The following EPHA5 variants were observed in gnomAD, a reference collection of about 807,000 sequenced individuals.
The protein encoded by EPHA5 is EPH receptor A5, also known as ephrin type-A receptor 5.
In EPHA5, 60 loss-of-function variants were observed where a neutral mutation model predicts 105.0. The ratio of observed to expected loss-of-function variants is 0.57; its 90% confidence interval spans 0.46 to 0.71. The LOEUF (loss-of-function observed/expected upper bound fraction) is 0.71, where lower values mean the gene tolerates loss of function less well. Among genes scored for constraint, EPHA5 ranks in the 30% least tolerant of loss-of-function variants. EPHA5 has a pLI of 0.00. For missense variants in EPHA5, 1,218 were observed against 1,274.7 expected (o/e 0.96, Z 0.68); for synonymous variants, 513 against 449.1 (o/e 1.14, Z -1.80).
At chr4:65,342,931 C>A (rs2148827940) in intron 14 of EPHA5, among the ~76,000 whole-genome samples, 1 of 151,960 alleles carries the variant, frequency 6.6e-6, no homozygotes. Flanking sequence ...AATAAAACGA[C>A]TGGATTAAAA....
intron 2 of EPHA5, among the ~76,000 whole-genome samples, chr4:65,640,276 TTTTTTC>T (rs1480761753): frequency 3.8e-4 from 9 of 23,742 alleles, no homozygotes; most frequent in African/African-American, 1.2e-3. Context: ...CATTGCTCAG[TTTTTTC>T]TTTTTTTTTT....
chr4:65,353,998 A>G (rs1004103005), intron 11 of EPHA5, among the ~76,000 whole-genome samples: 1 of 151,804 alleles, frequency 6.6e-6, no homozygotes, highest in South Asian at 2.1e-4. Flanking sequence ...CTCTAGAGCC[A>G]TACTTCTTGG....
chr4:65,371,792 A>G (rs1253161248), intron 8 of EPHA5, among the ~76,000 whole-genome samples: 1 of 152,028 alleles, frequency 6.6e-6, no homozygotes, highest in African/African-American at 2.4e-5. Context: ...CTATAGAAAT[A>G]TACCCTAAAT....
chr4:65,522,931 T>C (rs879736863), intron 3 of EPHA5, among the ~76,000 whole-genome samples: 14 of 152,044 alleles, frequency 9.2e-5, no homozygotes, highest in Middle Eastern at 3.4e-3. Flanking sequence ...ACCATGGGAA[T>C]TGAGAATGTT....
chr4:65,384,706 C>T (rs1212020268), intron 8 of EPHA5, among the ~76,000 whole-genome samples: 1 of 151,866 alleles, frequency 6.6e-6, no homozygotes, highest in African/African-American at 2.4e-5. Context: ...TGGGTGATTT[C>T]AGCTTATTTC....
intron 3 of EPHA5, among the ~76,000 whole-genome samples, chr4:65,512,492 G>C (rs1578297915): frequency 6.6e-6 from 1 of 151,950 alleles, no homozygotes; most frequent in African/African-American, 2.4e-5. Context: ...CCATACTTTT[G>C]GTGCTGTTTT....
intron 5 of EPHA5, among the ~76,000 whole-genome samples, chr4:65,454,383 T>A (rs1727370584): frequency 6.6e-6 from 1 of 152,090 alleles, no homozygotes; most frequent in Non-Finnish European, 1.5e-5. Context: ...CAATGAAAAA[T>A]CTTTTTAGTT....
At chr4:65,361,570 T>TA (rs1717325198) in intron 11 of EPHA5, among the ~76,000 whole-genome samples, 1 of 151,538 alleles carries the variant, frequency 6.6e-6, no homozygotes, top group African/African-American at 2.4e-5. Context: ...TTAGTTAATA[T>TA]ATAATAAGAC....
chr4:65,434,695 T>A (rs1364397552), intron 5 of EPHA5, among the ~76,000 whole-genome samples: 1 of 152,162 alleles, frequency 6.6e-6, no homozygotes, highest in African/African-American at 2.4e-5. Context: ...CATAAATTAA[T>A]GCAACTTTTC....
At chr4:65,595,166 A>G (rs1743047742) in intron 3 of EPHA5, among the ~76,000 whole-genome samples, 2 of 151,016 alleles carry the variant, frequency 1.3e-5, no homozygotes, top group African/African-American at 4.9e-5. Flanking sequence ...AAAAAAAAAA[A>G]ATCTTATTTC....
intron 3 of EPHA5, among the ~76,000 whole-genome samples, chr4:65,544,849 A>T (rs1418618071): frequency 6.6e-6 from 1 of 151,972 alleles, no homozygotes; most frequent in African/African-American, 2.4e-5. Flanking sequence ...CATAGACTGG[A>T]TAAAGAAAAT....
chr4:65,661,498 A>C (rs1004192514), intron 1 of EPHA5, among the ~76,000 whole-genome samples: 4 of 152,162 alleles, frequency 2.6e-5, no homozygotes, highest in Admixed American at 1.3e-4. Context: ...TCTACCTCAG[A>C]AGTCTGGCTG....
At chr4:65,420,641 A>G (rs1723861221) in intron 5 of EPHA5, 76 bp from the exon 6 acceptor site, 2 of 1,378,484 alleles carry the variant, frequency 1.5e-6, no homozygotes, top group South Asian at 2.9e-5. Flanking sequence ...TATTACGTAT[A>G]TTGGCATTTT....
intron 3 of EPHA5, among the ~76,000 whole-genome samples, chr4:65,518,709 G>A (rs1399348026): frequency 6.6e-6 from 1 of 151,820 alleles, no homozygotes; most frequent in Non-Finnish European, 1.5e-5. Flanking sequence ...TTCTGAAGAG[G>A]GGATACATTT....
At chr4:65,649,983 C>T (rs1191376279) in intron 1 of EPHA5, among the ~76,000 whole-genome samples, 1 of 152,150 alleles carries the variant, frequency 6.6e-6, no homozygotes, top group African/African-American at 2.4e-5. Flanking sequence ...ACTTCTCACA[C>T]TACACCAAAA....
At position 65,322,164 on chromosome 4, in the gene EPHA5, C is replaced by T. The variant is rs1294546215; in HGVS notation, c.*1950G>A. 1 of 223,882 alleles carries T rather than the reference C, an allele frequency of 4.5e-6. No individual in the cohort carries two copies. Among genetic ancestry groups the T allele is most frequent in the Non-Finnish European group, 8.9e-6 (1 of 112,324 alleles). The allele number at this position is 223,882 out of a possible 1,614,324, so 13.9% of individuals were successfully genotyped here. ...TTTGTGTGGACCCATGGTATATAGC[C>T]CTTATTATTATGAGAACTGAATGTA... On this transcript the variant is annotated 3_prime_UTR_variant, in exon 17 of 17. Coordinates refer to ENST00000613740, the MANE Select transcript of EPHA5 (RefSeq NM_001281766.3).
intron 8 of EPHA5, among the ~76,000 whole-genome samples, chr4:65,371,423 A>C (rs1718458589): frequency 6.6e-6 from 1 of 152,080 alleles, no homozygotes; most frequent in Non-Finnish European, 1.5e-5. Context: ...TGCTTTTTCT[A>C]AGGATTTGGA....
intron 8 of EPHA5, among the ~76,000 whole-genome samples, chr4:65,371,879 CAA>C (rs1469397058): frequency 6.6e-6 from 1 of 151,880 alleles, no homozygotes; most frequent in Non-Finnish European, 1.5e-5. Context: ...TTAATTTACT[CAA>C]AAGAGTGAGC....
intron 3 of EPHA5, among the ~76,000 whole-genome samples, chr4:65,529,006 T>C (rs942192217): frequency 5.9e-5 from 9 of 152,148 alleles, no homozygotes; most frequent in Non-Finnish European, 1.0e-4. Flanking sequence ...TGAGGTAATA[T>C]TGAAGTTATT....
Sources: allele counts gnomAD v4.1 joint callset (sites outside exome capture counted in the v4.1 genomes callset), GRCh38; gene constraint gnomAD v4.1.1; transcripts MANE v1.5; gene names NCBI Gene and HGNC (gene_info 2026-07-23, HGNC 2026-07-21).